Variants in TBL1XR1 observed in about 807,000 individuals in gnomAD.
TBL1XR1 encodes TBL1X/Y related 1.
Under a neutral mutation model 66.9 loss-of-function variants are expected in TBL1XR1, and 5 were observed. The observed-to-expected ratio is 0.07, with a 90% CI of 0.04 to 0.16. The LOEUF is 0.16. TBL1XR1 is among the 10% of genes least tolerant of loss of function. The probability of loss-of-function intolerance (pLI) is 1.00; values close to 1 mark genes in which losing one functional copy is unlikely to be tolerated. For missense variants in TBL1XR1, 238 were observed against 623.2 expected, an observed-to-expected ratio of 0.38 and a Z score of 6.58; for synonymous variants, 210 against 206.0, an observed-to-expected ratio of 1.02 and a Z score of -0.17.
At chr3:177,149,112 A>G (rs1453851663) in intron 1 of TBL1XR1, among the ~76,000 whole-genome samples, 3 of 152,240 alleles carry the variant, frequency 2.0e-5, no homozygotes, top group Non-Finnish European at 4.4e-5. Context: ...AAGACGGCAG[A>G]CATATTTGGC....
intron 1 of TBL1XR1, among the ~76,000 whole-genome samples, chr3:177,123,726 CAT>C (rs1030055386): frequency 1.7e-4 from 26 of 152,158 alleles, no homozygotes; most frequent in African/African-American, 3.6e-4. Flanking sequence ...AACCTTAAAA[CAT>C]ATGATTCAAA....
At chr3:177,112,107 A>ATATATATATATATATATATATTTTTTTTT in intron 1 of TBL1XR1, among the ~76,000 whole-genome samples, 3 of 37,650 alleles carry the variant, frequency 8.0e-5, no homozygotes, top group Non-Finnish European at 1.3e-4. Flanking sequence ...ATATATATAT[A>ATATATATATATATATATATATTTTTTTTT]TTTTTTTTTT....
chr3:177,052,480 T>C (rs1032229579), intron 4 of TBL1XR1, among the ~76,000 whole-genome samples: 4 of 152,192 alleles, frequency 2.6e-5, no homozygotes, highest in East Asian at 1.9e-4. Context: ...AAACTGTCCA[T>C]TGTAATGTAA....
chr3:177,069,788 G>GAAGGA (rs1485422819), intron 2 of TBL1XR1, among the ~76,000 whole-genome samples: 929 of 83,532 alleles, frequency 0.011, 23 homozygotes, highest in African/African-American at 0.037. Context: ...GAAGGAAAAG[G>GAAGGA]AAGGAAAGGA....
At chr3:177,047,256 G>C in intron 9 of TBL1XR1, 44 bp downstream of exon 9, 1 of 1,454,110 alleles carries the variant, frequency 6.9e-7, no homozygotes, top group East Asian at 2.5e-5. Flanking sequence ...TTTCAATTAA[G>C]CTCTGTAATA....
At chr3:177,038,949 C>T (rs748088878) in intron 10 of TBL1XR1, among the ~76,000 whole-genome samples, 2 of 152,122 alleles carry the variant, frequency 1.3e-5, no homozygotes, top group Non-Finnish European at 2.9e-5. Context: ...GCACCCCAAT[C>T]TGAAAATCCA....
chr3:177,197,972 C>G (rs1737138549), upstream of TBL1XR1, among the ~76,000 whole-genome samples: 1 of 150,904 alleles, frequency 6.6e-6, no homozygotes, highest in Non-Finnish European at 1.5e-5. Context: ...GAAGTTTCCC[C>G]AAGGACGCCG....
intron 1 of TBL1XR1, among the ~76,000 whole-genome samples, chr3:177,124,299 C>T (rs971716004): frequency 6.6e-6 from 1 of 152,104 alleles, no homozygotes; most frequent in Non-Finnish European, 1.5e-5. Context: ...GAAATCCTAG[C>T]ATAGTCACAT....
upstream of TBL1XR1, among the ~76,000 whole-genome samples, chr3:177,200,830 A>C (rs1317319831): frequency 6.6e-6 from 1 of 151,868 alleles, no homozygotes; most frequent in East Asian, 1.9e-4. Flanking sequence ...ACATGGTGAA[A>C]CCTCGTCTGT....
rs1233736982 is a variant in TBL1XR1 at position 177,022,340 on chromosome 3, CAG to C, written c.*3156_*3157del. 6.6e-6 allele frequency: 1 copy of C among 152,346 alleles called. No homozygotes were observed. The highest frequency in any genetic ancestry group is 1.9e-4 in the East Asian group (1 of 5,184). The allele number at this position is 152,346 out of a possible 1,614,324, so 9.4% of individuals were successfully genotyped here. ...ATACTTACCTAGAGAATAATTAAAACAGAATTCAATACAATCTAGTATCTATT... is the reference window on the plus strand; with the variant it reads ...ATACTTACCTAGAGAATAATTAAAACAATTCAATACAATCTAGTATCTATT... On this transcript the variant is annotated 3_prime_UTR_variant, in exon 16 of 16. Coordinates refer to ENST00000457928, the MANE Select transcript of TBL1XR1 (RefSeq NM_024665.7).
In TBL1XR1 at chr3:177,170,376, T is replaced by C. The variant is rs541356236; in HGVS notation, c.-122+26745A>G. Among the ~76,000 whole-genome samples, 8 of 152,280 alleles carry C rather than the reference T, an allele frequency of 5.3e-5. No individual in the cohort carries two copies. The East Asian group carries it at 5.8e-4, about 11-fold the overall frequency. On this transcript the variant is annotated intron_variant, in intron 1 of 15. Coordinates refer to ENST00000457928, the MANE Select transcript of TBL1XR1 (RefSeq NM_024665.7). ...TCCACTAATATTCCTCTTTTTGGAATGTCCTTCTTCCCCCACCCCTCCACA... is the reference window on the plus strand; with the variant it reads ...TCCACTAATATTCCTCTTTTTGGAACGTCCTTCTTCCCCCACCCCTCCACA...
At chr3:177,122,601 G>A (rs1162931795) in intron 1 of TBL1XR1, among the ~76,000 whole-genome samples, 1 of 152,098 alleles carries the variant, frequency 6.6e-6, no homozygotes, top group Non-Finnish European at 1.5e-5. Flanking sequence ...GTTTTACTGG[G>A]CTAGCTTTCA....
intron 1 of TBL1XR1, among the ~76,000 whole-genome samples, chr3:177,148,887 C>T (rs1268143210): frequency 1.3e-5 from 2 of 150,700 alleles, no homozygotes; most frequent in East Asian, 2.0e-4. Context: ...GCCTGTGATC[C>T]CAGCTACTCG....
intron 1 of TBL1XR1, among the ~76,000 whole-genome samples, chr3:177,166,869 A>C (rs1247399759): frequency 6.6e-6 from 1 of 152,248 alleles, no homozygotes; most frequent in Non-Finnish European, 1.5e-5. Flanking sequence ...GAAGATGTGG[A>C]GCAAGAGGAC....
At chr3:177,073,392 T>C (rs1182907872) in intron 2 of TBL1XR1, among the ~76,000 whole-genome samples, 1 of 152,168 alleles carries the variant, frequency 6.6e-6, no homozygotes, top group Non-Finnish European at 1.5e-5. Flanking sequence ...TATTGATAAG[T>C]TTATACTTAA....
chr3:177,172,156 G>T (rs762843182), intron 1 of TBL1XR1, among the ~76,000 whole-genome samples: 34 of 151,888 alleles, frequency 2.2e-4, no homozygotes, highest in Admixed American at 9.2e-4. Flanking sequence ...AACTACTTGG[G>T]AGGCTGAAGC....
intron 1 of TBL1XR1, among the ~76,000 whole-genome samples, chr3:177,159,503 A>C (rs1731915490): frequency 6.6e-6 from 1 of 152,182 alleles, no homozygotes; most frequent in African/African-American, 2.4e-5. Context: ...CAAAATAACT[A>C]CTTGAAAAAC....
At chr3:177,193,711 C>A (rs1736457984) in intron 1 of TBL1XR1, among the ~76,000 whole-genome samples, 1 of 152,120 alleles carries the variant, frequency 6.6e-6, no homozygotes, top group African/African-American at 2.4e-5. Flanking sequence ...AGTACAGACG[C>A]TCAACTATAG....
intron 1 of TBL1XR1, among the ~76,000 whole-genome samples, chr3:177,153,753 T>A (rs1560235589): frequency 6.6e-6 from 1 of 151,630 alleles, no homozygotes. Flanking sequence ...GGCACGCGCC[T>A]GTAATCCCAG....
Sources: allele counts gnomAD v4.1 joint callset (sites outside exome capture counted in the v4.1 genomes callset), GRCh38; gene constraint gnomAD v4.1.1; transcripts MANE v1.5; gene names NCBI Gene and HGNC (gene_info 2026-07-23, HGNC 2026-07-21).